The following RBKS variants were observed in gnomAD, a reference collection of about 807,000 sequenced individuals.
RBKS encodes the protein ribokinase.
In RBKS, 33 loss-of-function variants were observed where a neutral mutation model predicts 33.9. That is an observed-to-expected ratio of 0.97 (90% CI 0.74 to 1.30). The LOEUF (loss-of-function observed/expected upper bound fraction) is 1.30. RBKS is among the 50% of genes most tolerant of loss of function. The pLI is 0.00. For missense variants in RBKS, 361 were observed against 392.6 expected, an observed-to-expected ratio of 0.92 and a Z score of 0.68; for synonymous variants, 125 against 143.0, an observed-to-expected ratio of 0.87 and a Z score of 0.90.
At chr2:27,797,241 G>T (rs951039855) in intron 7 of RBKS, among the ~76,000 whole-genome samples, 5 of 152,206 alleles carry the variant, frequency 3.3e-5, no homozygotes, top group African/African-American at 1.2e-4. Context: ...AGGCAAAGTG[G>T]CATTGCGCAA....
At chr2:27,832,003 T>C (rs933762141) in intron 6 of RBKS, among the ~76,000 whole-genome samples, 9 of 152,216 alleles carry the variant, frequency 5.9e-5, no homozygotes, top group Non-Finnish European at 1.3e-4. Flanking sequence ...CTGCATCCCA[T>C]TGATGGGCGA....
intron 2 of RBKS, among the ~76,000 whole-genome samples, chr2:27,855,241 A>C (rs777994587): frequency 2.6e-5 from 4 of 152,246 alleles, no homozygotes; most frequent in Non-Finnish European, 5.9e-5. Flanking sequence ...AGAGAGTTTG[A>C]TAGTCTCATA....
At chr2:27,858,354 G>A (rs1229554772) in intron 2 of RBKS, 85 bp downstream of exon 2, 44 of 1,399,224 alleles carry the variant, frequency 3.1e-5, no homozygotes, top group Non-Finnish European at 4.3e-5. Context: ...ACTCTAAAAT[G>A]GTTGAAAAAA....
At chr2:27,853,353 G>GACA (rs1663789344) in intron 2 of RBKS, among the ~76,000 whole-genome samples, 2 of 64,602 alleles carry the variant, frequency 3.1e-5, no homozygotes, top group African/African-American at 1.2e-4. Flanking sequence ...ACCTGTCTCT[G>GACA]AAAAAAAAAA....
intron 4 of RBKS, among the ~76,000 whole-genome samples, chr2:27,846,057 T>G (rs1412041338): frequency 6.6e-6 from 1 of 152,036 alleles, no homozygotes; most frequent in African/African-American, 2.4e-5. Flanking sequence ...CTCCGCCTTG[T>G]GAGTTCAAGC....
At chr2:27,870,413 T>C (rs1489211734) in intron 1 of RBKS, 1 of 175,918 alleles carries the variant, frequency 5.7e-6, no homozygotes, top group African/African-American at 2.4e-5. Flanking sequence ...CAGTGGTGAC[T>C]GTTTTTCTAA....
intron 7 of RBKS, among the ~76,000 whole-genome samples, chr2:27,785,447 G>A (rs368427266): frequency 2.0e-5 from 3 of 152,102 alleles, no homozygotes; most frequent in Admixed American, 6.6e-5. Context: ...ATAAACACAC[G>A]AAAAGATGGT....
intron 7 of RBKS, among the ~76,000 whole-genome samples, chr2:27,809,228 T>C (rs1435368654): frequency 5.3e-5 from 8 of 152,210 alleles, no homozygotes; most frequent in East Asian, 1.9e-4. Flanking sequence ...CAGGAGCCCA[T>C]TGGGCTGCTC....
chr2:27,827,597 G>T lies in RBKS; in HGVS notation c.765C>A (p.Pro255=), dbSNP rs1678336987. Residue 255 remains proline (P), a synonymous_variant, in exon 7 of 8, where the codon CCC becomes CCA. Transcript: ENST00000302188. ...TATCCACAGCCTTGACTTTCTCTGT[G>T]GGAATGTGCTTTGGCTCAGGTTCTG... is the stretch of plus-strand genomic sequence containing the variant. ...SQTEPEPKHI[P]TEKVKAVDTT... is the part of the protein sequence containing the mutation. 19 of 1,599,292 alleles carry T rather than the reference G, an allele frequency of 1.2e-5. No individual in the cohort carries two copies. The highest frequency in any genetic ancestry group is 1.6e-5 in the Non-Finnish European group (19 of 1,175,086).
intron 7 of RBKS, among the ~76,000 whole-genome samples, chr2:27,796,048 T>C (rs936328408): frequency 3.0e-4 from 45 of 152,316 alleles, no homozygotes; most frequent in African/African-American, 1.0e-3. Context: ...TGGCCCTTGC[T>C]GAACTACACG....
intron 1 of RBKS, among the ~76,000 whole-genome samples, chr2:27,871,504 T>C (rs1664210403): frequency 6.6e-6 from 1 of 152,196 alleles, no homozygotes; most frequent in Non-Finnish European, 1.5e-5. Context: ...CATCATTGGG[T>C]CTTTCCCCCC....
intron 7 of RBKS, among the ~76,000 whole-genome samples, chr2:27,802,430 T>TTGTGTGTG (rs35820162): frequency 8.1e-5 from 12 of 148,992 alleles, no homozygotes; most frequent in African/African-American, 2.9e-4. Flanking sequence ...GAACATATGT[T>TTGTGTGTG]TGTGTGTGTG....
chr2:27,828,933 C>T (rs2148203318), intron 6 of RBKS, among the ~76,000 whole-genome samples: 1 of 152,248 alleles, frequency 6.6e-6, no homozygotes, highest in East Asian at 1.9e-4. Context: ...TGCTCTATTA[C>T]TCCAGCTGGA....
chr2:27,854,442 T>C (rs573770705), intron 2 of RBKS, among the ~76,000 whole-genome samples: 5 of 152,182 alleles, frequency 3.3e-5, no homozygotes, highest in African/African-American at 9.7e-5. Flanking sequence ...GGTCAAAACA[T>C]GGTGCAATGA....
At chr2:27,839,401 A>T (rs1036000218) in intron 5 of RBKS, among the ~76,000 whole-genome samples, 8 of 152,220 alleles carry the variant, frequency 5.3e-5, no homozygotes, top group African/African-American at 1.9e-4. Context: ...CAGCTGCAGC[A>T]CTGGCTCTTC....
rs1416124262 is a variant in RBKS at position 27,881,742 on chromosome 2, A to G, written c.89+8515T>C. ...GACATATAAACCAATGGAACAGAATAAAGAGCCCCCAAAATAAGGCCACAT... is the reference window on the plus strand; with the variant it reads ...GACATATAAACCAATGGAACAGAATGAAGAGCCCCCAAAATAAGGCCACAT... On this transcript the variant is annotated intron_variant, in intron 1 of 7. Transcript: ENST00000302188. Among the ~76,000 whole-genome samples the G allele has an allele frequency of 2.6e-5, 4 of 152,172 alleles. No homozygotes were observed. The East Asian group carries it at 7.7e-4, about 29-fold the overall frequency.
In RBKS at chr2:27,791,322, G is replaced by A. The variant is rs765256856; in HGVS notation, c.796-9534C>T. 7.4e-4 allele frequency among the ~76,000 whole-genome samples: 112 copies of A among 152,262 alleles called. 1 individual carries two copies. The highest frequency in any genetic ancestry group is 1.1e-3 in the Non-Finnish European group (72 of 68,018). ...TGTGACAGTGTTTCTGGAAGAGACT[G>A]TCATTTTAATTTGTAGACTGAGTAA... On this transcript the variant is annotated intron_variant, in intron 7 of 7. Transcript: ENST00000302188.
At chr2:27,796,430 A>ATACCCATGTGGCTAC (rs1369615036) in intron 7 of RBKS, among the ~76,000 whole-genome samples, 2 of 152,138 alleles carry the variant, frequency 1.3e-5, no homozygotes, top group African/African-American at 2.4e-5. Context: ...CTTCAATATA[A>ATACCCATGTGGCTAC]TACCCATGTG....
In RBKS at chr2:27,810,070, A is replaced by G. The variant is rs753559596; in HGVS notation, c.795+17497T>C. On this transcript the variant is annotated intron_variant, in intron 7 of 7. Transcript: ENST00000302188. This position sits in a 1 kb window ranked among gnomAD's most constrained non-coding sequence, Gnocchi z 4.4. ...ACTGTGAAAATGAAGGAAGGAACTG[A>G]GCAATTGTTCTGTGAATCTAACTGC... 10 of 1,303,706 alleles carry G rather than the reference A, an allele frequency of 7.7e-6. No homozygotes were observed. The South Asian group carries it at 1.2e-4, about 16-fold the overall frequency. The allele number at this position is 1,303,706 out of a possible 1,614,324, so 80.8% of individuals were successfully genotyped here. A position where few individuals can be genotyped will look rare whatever the true frequency, so the allele number is the denominator to read the frequency against.
Sources: allele counts gnomAD v4.1 joint callset (sites outside exome capture counted in the v4.1 genomes callset), GRCh38; gene constraint gnomAD v4.1.1; non-coding constraint Gnocchi (gnomAD v3.1); transcripts MANE v1.5; gene names NCBI Gene and HGNC (gene_info 2026-07-23, HGNC 2026-07-21).